Variants in MACROD2 observed in about 807,000 individuals in gnomAD.
MACROD2 encodes the protein ADP-ribose glycohydrolase MACROD2.
MACROD2 carries 36 observed loss-of-function variants against 70.4 expected under a neutral mutation model. That is an observed-to-expected ratio of 0.51 (90% CI 0.39 to 0.68). The LOEUF is 0.68. MACROD2 is among the 30% of genes least tolerant of loss of function. The pLI, the probability that MACROD2 is intolerant of heterozygous loss-of-function variation, is 0.00. For missense variants in MACROD2, 496 were observed against 538.4 expected, an observed-to-expected ratio of 0.92 and a Z score of 0.78; for synonymous variants, 172 against 178.8, an observed-to-expected ratio of 0.96 and a Z score of 0.30.
intron 4 of MACROD2, among the ~76,000 whole-genome samples, chr20:14,576,922 C>T (rs1202856307): frequency 6.6e-6 from 1 of 152,174 alleles, no homozygotes; most frequent in Non-Finnish European, 1.5e-5. Flanking sequence ...GTTACTCAAA[C>T]TTTATAAATA....
chr20:14,577,812 G>GAGAAGAGAAGAGAAGAGAAA (rs1184424530), intron 4 of MACROD2, among the ~76,000 whole-genome samples: 1 of 151,648 alleles, frequency 6.6e-6, no homozygotes, highest in East Asian at 1.9e-4. Flanking sequence ...GAGAAGAGAA[G>GAGAAGAGAAGAGAAGAGAAA]AGAAGAGAAG....
At chr20:14,299,944 G>A (rs1391751761) in intron 3 of MACROD2, among the ~76,000 whole-genome samples, 1 of 151,942 alleles carries the variant, frequency 6.6e-6, no homozygotes, top group Non-Finnish European at 1.5e-5. Context: ...ATTCCAAGAA[G>A]CTCGATAGAA....
At chr20:14,713,986 GAA>G (rs2071367653) in intron 5 of MACROD2, among the ~76,000 whole-genome samples, 1 of 152,150 alleles carries the variant, frequency 6.6e-6, no homozygotes. Flanking sequence ...AAAGTGTAAA[GAA>G]GAGCAGGACA....
chr20:14,942,488 C>T (rs751149029), intron 5 of MACROD2, among the ~76,000 whole-genome samples: 24 of 151,934 alleles, frequency 1.6e-4, no homozygotes, highest in Admixed American at 1.3e-3. Flanking sequence ...GTGTGCTCCA[C>T]GGTGTATCAC....
intron 7 of MACROD2, among the ~76,000 whole-genome samples, chr20:15,486,216 G>A (rs73096208): frequency 0.035 from 5,290 of 152,160 alleles, 137 homozygotes; most frequent in Middle Eastern, 0.092. Flanking sequence ...AGAGGGGATA[G>A]TGAATCCATA....
At chr20:15,373,101 A>C (rs566277298) in intron 6 of MACROD2, among the ~76,000 whole-genome samples, 2 of 152,254 alleles carry the variant, frequency 1.3e-5, no homozygotes, top group East Asian at 1.9e-4. Context: ...TATCCTGTCA[A>C]TCCTATACCT....
chr20:14,420,191 TA>T (rs948144294), intron 3 of MACROD2, among the ~76,000 whole-genome samples: 1 of 151,410 alleles, frequency 6.6e-6, no homozygotes, highest in African/African-American at 2.4e-5. Context: ...CTCAAAAAGT[TA>T]AACATAGAAC....
At position 15,262,910 on chromosome 20, in the gene MACROD2, G is replaced by C. The variant is rs1369605860; in HGVS notation, c.540+32849G>C. ...TAGTTTTATTTTTCTCTATAGTGTT[G>C]TTTGAGCTCCTTATATATTCTGGTT... On this transcript the variant is annotated intron_variant, in intron 6 of 17. Transcript: ENST00000684519. Among the ~76,000 whole-genome samples, 3 of 151,936 alleles carry C rather than the reference G, an allele frequency of 2.0e-5. No homozygotes were observed. The East Asian group carries it at 5.8e-4, about 29-fold the overall frequency.
chr20:14,926,800 G>A (rs2074238631), intron 5 of MACROD2, among the ~76,000 whole-genome samples: 2 of 152,134 alleles, frequency 1.3e-5, no homozygotes, highest in Non-Finnish European at 2.9e-5. Context: ...TTTGCCACCT[G>A]TATAGTGGGC....
intron 8 of MACROD2, among the ~76,000 whole-genome samples, chr20:15,589,249 T>G (rs1031964038): frequency 6.6e-6 from 1 of 152,122 alleles, no homozygotes; most frequent in African/African-American, 2.4e-5. Context: ...AATTACCTAC[T>G]CCTGGGTCCC....
At chr20:15,039,844 T>C (rs1295997985) in intron 5 of MACROD2, among the ~76,000 whole-genome samples, 1 of 152,092 alleles carries the variant, frequency 6.6e-6, no homozygotes, top group African/African-American at 2.4e-5. Context: ...CTAAGGGTCA[T>C]TTTTTTCAAC....
chr20:14,133,837 C>G (rs1487638093), intron 3 of MACROD2, among the ~76,000 whole-genome samples: 1 of 152,216 alleles, frequency 6.6e-6, no homozygotes, highest in Non-Finnish European at 1.5e-5. Context: ...CTGTCAGCCC[C>G]TTCAGGGACT....
intron 6 of MACROD2, among the ~76,000 whole-genome samples, chr20:15,297,415 T>C (rs2077600603): frequency 6.6e-6 from 1 of 152,198 alleles, no homozygotes. Flanking sequence ...ATTCCAACTT[T>C]CTTTTTAATT....
intron 5 of MACROD2, among the ~76,000 whole-genome samples, chr20:14,871,111 T>A (rs2082325275): frequency 6.6e-6 from 1 of 152,048 alleles, no homozygotes; most frequent in Admixed American, 6.6e-5. Context: ...AGATCAACCA[T>A]GAGAATTTCC....
Position 16,021,172 on chromosome 20 carries a change from A to G in MACROD2, c.1154-20029A>G, listed in dbSNP as rs375525233. Among the ~76,000 whole-genome samples the G allele has an allele frequency of 7.4e-4, 112 of 152,328 alleles. 4 individuals carry two copies. In the South Asian group the frequency reaches 0.021, roughly 28 times the overall value. ...ACTTCCCAGGGACATGAAAATAAGT[A>G]GTATTATTCTCCAAAAGTTAAAATA... On this transcript the variant is annotated intron_variant, in intron 15 of 17. Coordinates refer to ENST00000684519, the MANE Select transcript of MACROD2 (RefSeq NM_001351661.2).
At chr20:15,284,193 T>C (rs1254710001) in intron 6 of MACROD2, among the ~76,000 whole-genome samples, 1 of 152,184 alleles carries the variant, frequency 6.6e-6, no homozygotes, top group Non-Finnish European at 1.5e-5. Flanking sequence ...CTGTCTGTGC[T>C]TTCTCTCATT....
At chr20:14,909,488 C>G (rs759306283) in intron 5 of MACROD2, among the ~76,000 whole-genome samples, 15 of 151,936 alleles carry the variant, frequency 9.9e-5, no homozygotes, top group Non-Finnish European at 1.9e-4. Context: ...ACACTTGTTA[C>G]TTACCTTTCT....
chr20:15,688,954 T>C (rs564097421), intron 8 of MACROD2, among the ~76,000 whole-genome samples: 1 of 152,352 alleles, frequency 6.6e-6, no homozygotes, highest in African/African-American at 2.4e-5. Flanking sequence ...CAAGTATTTA[T>C]TGCTCACTTA....
At chr20:15,040,620 A>G (rs904485415) in intron 5 of MACROD2, among the ~76,000 whole-genome samples, 2 of 151,892 alleles carry the variant, frequency 1.3e-5, no homozygotes, top group East Asian at 1.9e-4. Flanking sequence ...TGCTTCCTCT[A>G]CCTTTTTGGA....
Sources: gnomAD v4.1 joint callset for allele counts (sites outside exome capture counted in the v4.1 genomes callset) on GRCh38, gnomAD v4.1.1 for gene constraint, MANE v1.5 for transcripts, NCBI Gene and HGNC (gene_info 2026-07-23, HGNC 2026-07-21) for gene names.